The following PRKG1 variants were observed in gnomAD, a reference collection of about 807,000 sequenced individuals.
The protein encoded by PRKG1 is cGMP-dependent protein kinase 1.
PRKG1 carries 35 observed loss-of-function variants against 88.1 expected under a neutral mutation model. The ratio of observed to expected loss-of-function variants is 0.40; its 90% CI spans 0.30 to 0.53. PRKG1 has a LOEUF of 0.53. Among genes scored for constraint, PRKG1 ranks in the 20% least tolerant of loss-of-function variants. PRKG1 has a pLI of 0.59. For missense variants in PRKG1, 540 were observed against 839.8 expected, an observed-to-expected ratio of 0.64 and a Z score of 4.41; for synonymous variants, 303 against 292.5, an observed-to-expected ratio of 1.04 and a Z score of -0.37.
At chr10:52,068,202 CAAAAA>C (rs71032621) in intron 7 of PRKG1, among the ~76,000 whole-genome samples, 7 of 38,850 alleles carry the variant, frequency 1.8e-4, no homozygotes, top group African/African-American at 3.7e-4. Context: ...AACTCCGTCT[CAAAAA>C]AAAAAAAAAA....
intron 9 of PRKG1, among the ~76,000 whole-genome samples, chr10:52,163,651 T>C (rs10437352): frequency 0.48 from 73,140 of 151,982 alleles, 19,309 homozygotes; most frequent in African/African-American, 0.7. Context: ...TGATCAGTGA[T>C]AGGGAAGTGA....
chr10:52,008,535 T>C (rs920879716), intron 5 of PRKG1, among the ~76,000 whole-genome samples: 3 of 152,038 alleles, frequency 2.0e-5, no homozygotes, highest in Non-Finnish European at 4.4e-5. Context: ...AAGAGATGCA[T>C]AAATTCCTGG....
chr10:51,809,028 G>A (rs1180101414), intron 4 of PRKG1, among the ~76,000 whole-genome samples: 1 of 152,132 alleles, frequency 6.6e-6, no homozygotes, highest in African/African-American at 2.4e-5. Flanking sequence ...TTTGGAGGAG[G>A]AGAAAAGTGG....
At chr10:52,193,297 C>A (rs1423855421) in intron 9 of PRKG1, among the ~76,000 whole-genome samples, 1 of 151,960 alleles carries the variant, frequency 6.6e-6, no homozygotes, top group African/African-American at 2.4e-5. Flanking sequence ...GTAATCCCAG[C>A]ACTTTGGGAA....
At chr10:52,084,933 A>C (rs374307192) in intron 7 of PRKG1, among the ~76,000 whole-genome samples, 3 of 151,976 alleles carry the variant, frequency 2.0e-5, no homozygotes, top group African/African-American at 7.2e-5. Flanking sequence ...ATATTTTTTG[A>C]GGACCACAGA....
At chr10:51,845,788 C>A (rs1306259372) in intron 4 of PRKG1, among the ~76,000 whole-genome samples, 1 of 151,946 alleles carries the variant, frequency 6.6e-6, no homozygotes, top group Non-Finnish European at 1.5e-5. Context: ...GTCATACTTG[C>A]TAATTTTAGT....
intron 3 of PRKG1, among the ~76,000 whole-genome samples, chr10:51,735,125 G>A (rs1214141862): frequency 1.3e-5 from 2 of 152,146 alleles, no homozygotes; most frequent in African/African-American, 2.4e-5. Context: ...ATCTGTTAGG[G>A]GATGGAAATG....
At chr10:51,490,389 T>C (rs565628175) in intron 3 of PRKG1, among the ~76,000 whole-genome samples, 1 of 152,262 alleles carries the variant, frequency 6.6e-6, no homozygotes, top group South Asian at 2.1e-4. Context: ...GTGAAAATTA[T>C]CTCATGCATA....
chr10:51,765,215 A>G (rs1005898293), intron 3 of PRKG1, among the ~76,000 whole-genome samples: 1 of 152,194 alleles, frequency 6.6e-6, no homozygotes, highest in Non-Finnish European at 1.5e-5. Flanking sequence ...ACTGAGGGAA[A>G]AAAGAATGCT....
chr10:51,777,596 T>C (rs1241430541), intron 3 of PRKG1, among the ~76,000 whole-genome samples: 2 of 152,268 alleles, frequency 1.3e-5, no homozygotes, highest in Non-Finnish European at 2.9e-5. Context: ...TTTGTTATAA[T>C]TGACATACCT....
intron 3 of PRKG1, among the ~76,000 whole-genome samples, chr10:51,785,490 T>G (rs1197971978): frequency 6.6e-6 from 1 of 152,148 alleles, no homozygotes; most frequent in Non-Finnish European, 1.5e-5. Context: ...AACATATTCC[T>G]GGCTTTCTAC....
At chr10:51,910,590 A>G (rs928706274) in intron 5 of PRKG1, 1 of 152,174 alleles carries the variant, frequency 6.6e-6, no homozygotes, top group Non-Finnish European at 1.5e-5. Flanking sequence ...AGTTTAGTCA[A>G]GCAGAGGGGA....
intron 2 of PRKG1, among the ~76,000 whole-genome samples, chr10:51,251,376 G>A (rs1158634846): frequency 1.3e-5 from 2 of 151,738 alleles, no homozygotes; most frequent in Non-Finnish European, 3.0e-5. Context: ...TGTGAGCATG[G>A]ATTGACCTAC....
At chr10:51,592,093 C>A (rs1276997597) in intron 3 of PRKG1, among the ~76,000 whole-genome samples, 1 of 152,164 alleles carries the variant, frequency 6.6e-6, no homozygotes, top group African/African-American at 2.4e-5. Context: ...TCTTTAGCTG[C>A]ACGCTCTGGG....
At chr10:52,178,313 C>G (rs187680533) in intron 9 of PRKG1, among the ~76,000 whole-genome samples, 395 of 152,122 alleles carry the variant, frequency 2.6e-3, no homozygotes, top group Non-Finnish European at 4.7e-3. Flanking sequence ...TTTATAGTTT[C>G]AAATGTTCCT....
At chr10:52,027,476 T>C (rs149582902) in intron 5 of PRKG1, among the ~76,000 whole-genome samples, 382 of 152,344 alleles carry the variant, frequency 2.5e-3, no homozygotes, top group Non-Finnish European at 4.5e-3. Context: ...TATACTTTTA[T>C]ACACAACACT....
chr10:51,401,266 T>G (rs1837730302), intron 2 of PRKG1, among the ~76,000 whole-genome samples: 1 of 152,228 alleles, frequency 6.6e-6, no homozygotes, highest in East Asian at 1.9e-4. Context: ...ATAGCACACA[T>G]GGACTCTCAA....
At chr10:51,379,772 G>A (rs1418776361) in intron 2 of PRKG1, among the ~76,000 whole-genome samples, 1 of 152,188 alleles carries the variant, frequency 6.6e-6, no homozygotes, top group Admixed American at 6.6e-5. Context: ...TTGAGACAAG[G>A]AATAAAACTT....
At chr10:51,198,730 T>C (rs1837837402) in intron 2 of PRKG1, among the ~76,000 whole-genome samples, 1 of 152,214 alleles carries the variant, frequency 6.6e-6, no homozygotes, top group African/African-American at 2.4e-5. Flanking sequence ...ATTTCCCACA[T>C]TAGCTATTTG....
Sources: allele counts gnomAD v4.1 joint callset (sites outside exome capture counted in the v4.1 genomes callset), GRCh38; gene constraint gnomAD v4.1.1; transcripts MANE v1.5; gene names NCBI Gene and HGNC (gene_info 2026-07-23, HGNC 2026-07-21).